Variants in SCN2A observed in about 807,000 individuals in gnomAD.
SCN2A encodes sodium voltage-gated channel alpha subunit 2.
SCN2A carries 20 observed loss-of-function variants against 188.7 expected under a neutral mutation model. That is an observed-to-expected ratio of 0.11 (90% CI 0.07 to 0.15). The LOEUF (loss-of-function observed/expected upper bound fraction) is 0.15, where lower values mean the gene tolerates loss of function less well. Ranked by LOEUF, SCN2A falls within the 10% of genes least tolerant of loss-of-function variation. The pLI, the probability that SCN2A is intolerant of heterozygous loss-of-function variation, is 1.00. For missense variants in SCN2A, 1,278 were observed against 2,445.0 expected, an observed-to-expected ratio of 0.52 and a Z score of 10.07; for synonymous variants, 804 against 833.1, an observed-to-expected ratio of 0.97 and a Z score of 0.60.
At position 165,354,331 on chromosome 2, in the gene SCN2A, A is replaced by C; in HGVS notation, c.3059A>C (p.Lys1020Thr). 5 of 1,614,172 alleles carry C rather than the reference A, an allele frequency of 3.1e-6. No individual in the cohort carries two copies. The highest frequency in any genetic ancestry group is 4.2e-6 in the Non-Finnish European group (5 of 1,180,028). Residue 1020 changes from lysine (K) to threonine (T), a missense_variant, in exon 17 of 27, where the codon AAA becomes ACA. By Grantham distance (78) the Lys-to-Thr change is moderately conservative (BLOSUM62 -1). Coordinates refer to ENST00000375437, the MANE Select transcript of SCN2A (RefSeq NM_001040142.2). ...MQKGIDFVKR[K>T]IREFIQKAFV... Reference sequence around the variant, plus strand: ...AAAGGAATCGATTTTGTTAAAAGAAAAATACGTGAATTTATTCAGAAAGCC... The same window carrying C: ...AAAGGAATCGATTTTGTTAAAAGAACAATACGTGAATTTATTCAGAAAGCC...
intron 13 of SCN2A, 92 bp from the exon 14 acceptor site, chr2:165,331,238 T>A: frequency 9.8e-7 from 1 of 1,022,094 alleles, no homozygotes; most frequent in Non-Finnish European, 1.5e-6. Context: ...TTTTAACAAC[T>A]TTAGATTTTT....
intron 1 of SCN2A, chr2:165,240,258 A>G (rs144871734): frequency 1.5e-4 from 23 of 152,340 alleles, no homozygotes; most frequent in African/African-American, 5.5e-4. Context: ...TGTGAGGAGT[A>G]TGCTGAACAC....
chr2:165,383,099 T>C (rs547305058), intron 25 of SCN2A, among the ~76,000 whole-genome samples: 2 of 152,238 alleles, frequency 1.3e-5, no homozygotes, highest in South Asian at 2.1e-4. Flanking sequence ...ATATGTACTA[T>C]GTAGTATGCT....
At position 165,314,128 on chromosome 2, in the gene SCN2A, G is replaced by A. The variant is rs567354567; in HGVS notation, c.1383+20G>A. On this transcript the variant is annotated intron_variant, in intron 10 of 26. Transcript: ENST00000375437. ...GCTCAGGTATAGTGAACAAGCATAC[G>A]GTCCTTTGTTTTTCTTTATCTAAAT... 2.7e-5 allele frequency: 44 copies of A among 1,607,908 alleles called. No homozygotes were observed. Among genetic ancestry groups the A allele is most frequent in the East Asian group, 1.6e-4 (7 of 44,744 alleles).
rs7596027 is a variant in SCN2A at position 165,331,024 on chromosome 2, T to C, written c.2150-306T>C. ...GGAACATGGATGAGCTTTAAGTGTA[T>C]GCAATGCAAGTTCTACCCATTAGTT... On this transcript the variant is annotated intron_variant, in intron 13 of 26. Coordinates refer to ENST00000375437, the MANE Select transcript of SCN2A (RefSeq NM_001040142.2). 0.72 allele frequency among the ~76,000 whole-genome samples: 108,794 copies of C among 152,010 alleles called. 39,159 individuals carry two copies. Among genetic ancestry groups the C allele is most frequent in the Admixed American group, 0.76 (11,629 of 15,246 alleles).
intron 20 of SCN2A, chr2:165,372,968 T>C (rs1257905510): frequency 2.8e-6 from 1 of 356,604 alleles, no homozygotes; most frequent in African/African-American, 2.1e-5. Context: ...AGAGCACATA[T>C]ATGGGCTTCT....
chr2:165,258,236 G>A (rs1213356008), intron 1 of SCN2A, among the ~76,000 whole-genome samples: 1 of 152,052 alleles, frequency 6.6e-6, no homozygotes, highest in Non-Finnish European at 1.5e-5. Flanking sequence ...TGAAACTTTT[G>A]CCAGATCCTG....
intron 22 of SCN2A, among the ~76,000 whole-genome samples, chr2:165,377,162 G>T (rs1701358570): frequency 6.6e-6 from 1 of 152,120 alleles, no homozygotes; most frequent in Admixed American, 6.6e-5. Flanking sequence ...CATGATTGGT[G>T]ATTGGTGTAA....
chr2:165,376,310 A>G (rs1701310817), intron 22 of SCN2A, among the ~76,000 whole-genome samples: 1 of 151,900 alleles, frequency 6.6e-6, no homozygotes, highest in African/African-American at 2.4e-5. Context: ...AAATATATTC[A>G]TTTTTATTTG....
chr2:165,380,259 C>G (rs548485366), intron 23 of SCN2A, among the ~76,000 whole-genome samples: 2 of 151,912 alleles, frequency 1.3e-5, no homozygotes, highest in African/African-American at 4.8e-5. Flanking sequence ...ACGCTGACAT[C>G]TCTTTTGTAA....
chr2:165,240,474 C>T (rs1006740386), intron 1 of SCN2A, among the ~76,000 whole-genome samples: 2 of 152,084 alleles, frequency 1.3e-5, no homozygotes, highest in Admixed American at 6.6e-5. Context: ...TGCTGCTTCT[C>T]GTGATTTCCC....
chr2:165,244,941 A>G (rs1693780610), intron 1 of SCN2A, among the ~76,000 whole-genome samples: 1 of 151,084 alleles, frequency 6.6e-6, no homozygotes, highest in African/African-American at 2.4e-5. Context: ...TCTCTTAAGC[A>G]TATATGAAGG....
At chr2:165,377,559 T>C (rs376334562) in intron 22 of SCN2A, 38 bp from the exon 23 acceptor site, 1 of 1,543,934 alleles carries the variant, frequency 6.5e-7, no homozygotes, top group African/African-American at 1.4e-5. Context: ...AAAATTATAA[T>C]TTTGGGAAAA....
chr2:165,374,960 T>A lies in SCN2A; in HGVS notation c.4248T>A (p.Leu1416=). Residue 1416 remains leucine (L), a synonymous_variant, in exon 22 of 27, where the codon CTT becomes CTA. Transcript: ENST00000375437. ...TAGGACTTGGATATCTGTCTCTACT[T>A]CAAGTAGTAAGTAATCACTTTATTA... ...DNVGLGYLSL[L]QVATFKGWMD... 1.2e-6 allele frequency: 2 copies of A among 1,612,400 alleles called. No individual in the cohort carries two copies. The highest frequency in any genetic ancestry group is 1.7e-6 in the Non-Finnish European group (2 of 1,178,826).
At chr2:165,287,857 G>C (rs190234209) in intron 1 of SCN2A, among the ~76,000 whole-genome samples, 22 of 152,298 alleles carry the variant, frequency 1.4e-4, no homozygotes, top group African/African-American at 4.8e-4. Flanking sequence ...GCAAAGCTGG[G>C]ATGTTTTTGG....
At chr2:165,338,626 T>C (rs1202463473) in intron 14 of SCN2A, among the ~76,000 whole-genome samples, 1 of 152,186 alleles carries the variant, frequency 6.6e-6, no homozygotes, top group East Asian at 1.9e-4. Context: ...GTATCCCTCA[T>C]GAACACAGAA....
In SCN2A at chr2:165,391,869, C is replaced by T. The variant is rs1444295153; in HGVS notation, c.*2045C>T. On this transcript the variant is annotated 3_prime_UTR_variant, in exon 27 of 27. Transcript: ENST00000375437. Reference sequence around the variant, plus strand: ...AAAACCAGGTAGTGAAGTTATATTACCAGTTACAGCAAAATACTTTGTGTT... The same window carrying T: ...AAAACCAGGTAGTGAAGTTATATTATCAGTTACAGCAAAATACTTTGTGTT... The T allele has an allele frequency of 6.6e-6, 1 of 152,408 alleles. No individual in the cohort carries two copies. The highest frequency in any genetic ancestry group is 1.5e-5 in the Non-Finnish European group (1 of 67,958). The allele number at this position is 152,408 out of a possible 1,614,324, so 9.4% of individuals were successfully genotyped here.
At chr2:165,307,514 G>A (rs949272801) in intron 3 of SCN2A, among the ~76,000 whole-genome samples, 6 of 152,110 alleles carry the variant, frequency 3.9e-5, no homozygotes, top group Non-Finnish European at 7.4e-5. Flanking sequence ...CATATGTGCT[G>A]AACTTGCAGT....
intron 25 of SCN2A, among the ~76,000 whole-genome samples, chr2:165,382,109 G>C (rs1426251844): frequency 6.6e-6 from 1 of 152,014 alleles, no homozygotes; most frequent in East Asian, 1.9e-4. Flanking sequence ...TGAATAGAGA[G>C]AGAAGCAGAG....
Sources: gnomAD v4.1 joint callset for allele counts (sites outside exome capture counted in the v4.1 genomes callset) on GRCh38, gnomAD v4.1.1 for gene constraint, MANE v1.5 for transcripts, NCBI Gene and HGNC (gene_info 2026-07-23, HGNC 2026-07-21) for gene names.